The following TPR variants were observed in gnomAD, a reference collection of about 807,000 sequenced individuals.
TPR encodes nucleoprotein TPR.
TPR carries 51 observed loss-of-function variants against 316.1 expected under a neutral mutation model. The observed-to-expected ratio is 0.16, with a 90% CI of 0.13 to 0.20. The LOEUF is 0.20. Ranked by LOEUF, TPR falls within the 10% of genes least tolerant of loss-of-function variation. The probability of loss-of-function intolerance (pLI) is 1.00; values close to 1 mark genes in which losing one functional copy is unlikely to be tolerated. For missense variants in TPR, 2,272 were observed against 2,754.8 expected (o/e 0.82, Z 3.92); for synonymous variants, 981 against 914.7 (o/e 1.07, Z -1.31).
chr1:186,352,492 A>G (rs1054475646), intron 18 of TPR, among the ~76,000 whole-genome samples: 1 of 152,226 alleles, frequency 6.6e-6, no homozygotes, highest in African/African-American at 2.4e-5. Context: ...GTTTCAAAGT[A>G]CCTGTTTAAA....
At chr1:186,319,226 T>G (rs1406903959) in intron 46 of TPR, among the ~76,000 whole-genome samples, 1 of 152,122 alleles carries the variant, frequency 6.6e-6, no homozygotes, top group Admixed American at 6.6e-5. Flanking sequence ...TGGCCTCAAG[T>G]GATCCTCCTG....
chr1:186,340,837 C>G (rs1275205414), intron 29 of TPR, among the ~76,000 whole-genome samples, 191 bp downstream of exon 29: 2 of 151,758 alleles, frequency 1.3e-5, no homozygotes, highest in African/African-American at 4.8e-5. Flanking sequence ...ATAATATAAC[C>G]AAAATTTTTT....
intron 49 of TPR, among the ~76,000 whole-genome samples, chr1:186,316,561 T>C (rs1487449189): frequency 6.6e-6 from 1 of 152,230 alleles, no homozygotes. Flanking sequence ...TCAGACTGAA[T>C]GACCAAGTAC....
rs1658818877 is a variant in TPR at position 186,350,232 on chromosome 1, T to C, written c.2767A>G (p.Thr923Ala). 6.2e-7 allele frequency: 1 copy of C among 1,606,828 alleles called. No individual in the cohort carries two copies. The highest frequency in any genetic ancestry group is 8.5e-7 in the Non-Finnish European group (1 of 1,178,032). Residue 923 changes from threonine (T) to alanine (A), a missense_variant, in exon 21 of 51, where the codon ACT becomes GCT. Around this residue, in one of 10 missense-constraint regions of TPR, gnomAD observed 757 missense variants for 859.8 expected, o/e 0.88. Coordinates refer to ENST00000367478, the MANE Select transcript of TPR (RefSeq NM_003292.3). Reference protein sequence around the residue: ...VQVASQSSQRTGKGQPSNKED... With the variant: ...VQVASQSSQRAGKGQPSNKED... ...TACTTATTTTATTTACCTTTACCAG[T>C]TCTCTGTGAAGACTGAGAAGCAACT... is the stretch of plus-strand genomic sequence containing the variant.
chr1:186,352,259 C>G, intron 18 of TPR, 149 bp from the exon 19 acceptor site: 1 of 662,260 alleles, frequency 1.5e-6, no homozygotes, highest in East Asian at 3.5e-5. Context: ...AAATACAAAA[C>G]AGTTTCATGT....
At position 186,312,051 on chromosome 1, in the gene TPR, CAATAT is replaced by C. The variant is rs1160401547; in HGVS notation, c.*1915_*1919del. On this transcript the variant is annotated 3_prime_UTR_variant, in exon 51 of 51. Coordinates refer to ENST00000367478, the MANE Select transcript of TPR (RefSeq NM_003292.3). ...CTTGACTAATAGCCATTATTAATAT[CAATAT>C]ATTATATGAAAAATGAGAACAAAAC... The C allele has an allele frequency of 8.1e-6, 6 of 741,738 alleles. No individual in the cohort carries two copies. Among genetic ancestry groups the C allele is most frequent in the African/African-American group, 5.3e-5 (3 of 56,472 alleles). The allele number at this position is 741,738 out of a possible 1,614,324, so 45.9% of individuals were successfully genotyped here.
At chr1:186,353,604 T>A in intron 18 of TPR, 84 bp downstream of exon 18, 1 of 1,476,102 alleles carries the variant, frequency 6.8e-7, no homozygotes. Flanking sequence ...CTAAGTCCTA[T>A]CAGTGAGTAA....
At chr1:186,328,618 T>C (rs1435977896) in intron 39 of TPR, among the ~76,000 whole-genome samples, 2 of 152,138 alleles carry the variant, frequency 1.3e-5, no homozygotes, top group East Asian at 1.9e-4. Flanking sequence ...AGAACTAATT[T>C]GGAAATGCAG....
chr1:186,366,723 G>A (rs879783938), intron 4 of TPR, among the ~76,000 whole-genome samples: 44 of 151,884 alleles, frequency 2.9e-4, no homozygotes, highest in Middle Eastern at 3.2e-3. Flanking sequence ...AATATTCAAC[G>A]TTAACCTTAA....
intron 49 of TPR, 105 bp from the exon 50 acceptor site, chr1:186,314,829 T>G (rs1330416211): frequency 1.6e-6 from 1 of 613,858 alleles, no homozygotes. Context: ...GATGTAGACT[T>G]GTTCATTTGA....
chr1:186,319,950 G>A (rs1266662947), intron 46 of TPR, among the ~76,000 whole-genome samples: 1 of 152,088 alleles, frequency 6.6e-6, no homozygotes, highest in Non-Finnish European at 1.5e-5. Flanking sequence ...GTGTCAAGCT[G>A]TAAACAGAAA....
At chr1:186,351,717 A>G (rs556282576) in intron 19 of TPR, among the ~76,000 whole-genome samples, 1 of 152,292 alleles carries the variant, frequency 6.6e-6, no homozygotes, top group Non-Finnish European at 1.5e-5. Context: ...TAAAAACCAA[A>G]GAATTAATCT....
intron 49 of TPR, 28 bp from the exon 50 acceptor site, chr1:186,314,752 A>G: frequency 6.6e-7 from 1 of 1,505,468 alleles, no homozygotes; most frequent in East Asian, 2.3e-5. Flanking sequence ...ATAAAAGAAA[A>G]GCAAGTGAAA....
chr1:186,317,764 G>T (rs1036379241), intron 48 of TPR, among the ~76,000 whole-genome samples, 164 bp from the exon 49 acceptor site: 1 of 152,252 alleles, frequency 6.6e-6, no homozygotes, highest in Admixed American at 6.5e-5. Flanking sequence ...AAGGAGCAGG[G>T]GGGAAAAGAG....
intron 14 of TPR, among the ~76,000 whole-genome samples, chr1:186,357,096 A>T (rs978650282): frequency 2.6e-5 from 4 of 152,044 alleles, no homozygotes; most frequent in Non-Finnish European, 2.9e-5. Context: ...TCCCACTTAG[A>T]GTGTGGTGCA....
intron 37 of TPR, 52 bp downstream of exon 37, chr1:186,333,070 G>GA (rs1224651328): frequency 1.1e-5 from 17 of 1,582,150 alleles, no homozygotes; most frequent in Non-Finnish European, 1.5e-5. Context: ...ATACACTCAA[G>GA]ATCTTATAAA....
intron 18 of TPR, among the ~76,000 whole-genome samples, chr1:186,352,366 A>C (rs1658886881): frequency 6.6e-6 from 1 of 152,216 alleles, no homozygotes; most frequent in Non-Finnish European, 1.5e-5. Flanking sequence ...CCACAGTTTA[A>C]AAAATAACAG....
chr1:186,339,246 A>T (rs1658431272), intron 30 of TPR, among the ~76,000 whole-genome samples: 1 of 152,074 alleles, frequency 6.6e-6, no homozygotes, highest in Non-Finnish European at 1.5e-5. Flanking sequence ...CCTGGGCAAC[A>T]GAGGGAAACA....
chr1:186,334,521 T>G lies in TPR; in HGVS notation c.4986A>C (p.Ser1662=). ...ASGERGIAST[S]DPPTANIKPT... ...GCTTGATATTGGCTGTTGGTGGGTCTGATGTGCTGGCACTTATAGAGGAGA... is the reference window on the plus strand; with the variant it reads ...GCTTGATATTGGCTGTTGGTGGGTCGGATGTGCTGGCACTTATAGAGGAGA... Residue 1662 remains serine, a synonymous_variant, in exon 36 of 51, where the codon TCA becomes TCC. Coordinates refer to ENST00000367478, the MANE Select transcript of TPR (RefSeq NM_003292.3). 1 of 1,613,224 alleles carries G rather than the reference T, an allele frequency of 6.2e-7. No individual in the cohort carries two copies. The highest frequency in any genetic ancestry group is 8.5e-7 in the Non-Finnish European group (1 of 1,179,424).
Sources: allele counts gnomAD v4.1 joint callset (sites outside exome capture counted in the v4.1 genomes callset), GRCh38; gene constraint gnomAD v4.1.1; regional missense constraint gnomAD v4.1.1; transcripts MANE v1.5; gene names NCBI Gene and HGNC (gene_info 2026-07-23, HGNC 2026-07-21).